Variants in SLC2A13 observed in about 807,000 individuals in gnomAD.
SLC2A13 encodes the protein proton myo-inositol cotransporter.
SLC2A13 carries 32 observed loss-of-function variants against 64.4 expected under a neutral mutation model. The observed-to-expected ratio is 0.50, with a 90% confidence interval of 0.37 to 0.67. The LOEUF is 0.67. Among genes scored for constraint, SLC2A13 ranks in the 30% least tolerant of loss-of-function variants. SLC2A13 has a pLI of 0.00. For missense variants in SLC2A13, 743 were observed against 829.2 expected, an observed-to-expected ratio of 0.90 and a Z score of 1.28; for synonymous variants, 338 against 327.1, an observed-to-expected ratio of 1.03 and a Z score of -0.36.
intron 1 of SLC2A13, among the ~76,000 whole-genome samples, chr12:40,081,047 G>T (rs1261824670): frequency 6.6e-6 from 1 of 152,132 alleles, no homozygotes; most frequent in Non-Finnish European, 1.5e-5. Flanking sequence ...CTTCTGGCTT[G>T]TAAGATTTCT....
chr12:39,787,774 G>A (rs1310394696), intron 7 of SLC2A13, among the ~76,000 whole-genome samples: 2 of 152,146 alleles, frequency 1.3e-5, no homozygotes, highest in Non-Finnish European at 2.9e-5. Context: ...TAGGTGAATG[G>A]AAACAGCTGG....
At chr12:39,785,706 C>G (rs4397917) in intron 7 of SLC2A13, among the ~76,000 whole-genome samples, 149,198 of 152,268 alleles carry the variant, frequency 0.98, 73,105 homozygotes, top group East Asian at 1. Flanking sequence ...GAGGGAGGCT[C>G]TACCATGCAA....
chr12:39,951,204 T>A, intron 4 of SLC2A13, 53 bp downstream of exon 4: 1 of 1,490,142 alleles, frequency 6.7e-7, no homozygotes. Flanking sequence ...CTATTTCACA[T>A]AAAATAATCC....
chr12:39,938,196 T>C (rs1945949652), intron 4 of SLC2A13, among the ~76,000 whole-genome samples: 1 of 152,142 alleles, frequency 6.6e-6, no homozygotes, highest in South Asian at 2.1e-4. Flanking sequence ...TCATACATGC[T>C]TTCTCATGTA....
At chr12:40,099,478 A>C (rs1939074771) in intron 1 of SLC2A13, among the ~76,000 whole-genome samples, 1 of 152,222 alleles carries the variant, frequency 6.6e-6, no homozygotes, top group South Asian at 2.1e-4. Flanking sequence ...GGTGTTCAAA[A>C]AGATGTTAGT....
chr12:40,027,575 A>G, intron 3 of SLC2A13, among the ~76,000 whole-genome samples: 1 of 152,218 alleles, frequency 6.6e-6, no homozygotes, highest in East Asian at 1.9e-4. Context: ...TGTATCAGCA[A>G]AGGAGTGTGT....
At chr12:39,798,381 A>G (rs1941654077) in intron 7 of SLC2A13, among the ~76,000 whole-genome samples, 1 of 152,226 alleles carries the variant, frequency 6.6e-6, no homozygotes, top group East Asian at 1.9e-4. Context: ...CACTTGTGGC[A>G]TAGCAATAGA....
At chr12:40,090,876 T>G (rs1456890963) in intron 1 of SLC2A13, among the ~76,000 whole-genome samples, 1 of 152,198 alleles carries the variant, frequency 6.6e-6, no homozygotes, top group Non-Finnish European at 1.5e-5. Flanking sequence ...AAAAACTCAC[T>G]GCCTCAGAAT....
intron 3 of SLC2A13, among the ~76,000 whole-genome samples, chr12:39,971,215 T>C (rs1946641070): frequency 6.6e-6 from 1 of 152,232 alleles, no homozygotes; most frequent in African/African-American, 2.4e-5. Flanking sequence ...ATAAACAATG[T>C]AGAACAGCTG....
intron 6 of SLC2A13, among the ~76,000 whole-genome samples, chr12:39,855,565 G>A (rs1321783224): frequency 5.3e-5 from 8 of 152,184 alleles, no homozygotes; most frequent in Admixed American, 5.2e-4. Flanking sequence ...TCCATGAGGA[G>A]GAAGGCTGTT....
At chr12:39,949,599 C>T (rs911747413) in intron 4 of SLC2A13, 3 of 152,080 alleles carry the variant, frequency 2.0e-5, no homozygotes, top group African/African-American at 7.2e-5. Context: ...ATACACTGGC[C>T]CCAGTCACTA....
At chr12:39,890,276 GT>G (rs1944571430) in intron 4 of SLC2A13, among the ~76,000 whole-genome samples, 1 of 152,102 alleles carries the variant, frequency 6.6e-6, no homozygotes, top group Non-Finnish European at 1.5e-5. Flanking sequence ...GTAAAAGGAA[GT>G]TCATTAGAGC....
chr12:39,830,017 T>C, intron 7 of SLC2A13, 86 bp downstream of exon 7: 2 of 1,544,578 alleles, frequency 1.3e-6, no homozygotes, highest in Non-Finnish European at 1.8e-6. Flanking sequence ...AAAGAACTGC[T>C]ATAAGTGCAA....
intron 7 of SLC2A13, among the ~76,000 whole-genome samples, chr12:39,806,402 G>A (rs4393383): frequency 0.81 from 122,865 of 152,130 alleles, 49,833 homozygotes; most frequent in Non-Finnish European, 0.85. Flanking sequence ...GAAGAAAATG[G>A]CATTCTGTCC....
At chr12:39,968,293 A>T (rs1483745252) in intron 3 of SLC2A13, among the ~76,000 whole-genome samples, 1 of 152,046 alleles carries the variant, frequency 6.6e-6, no homozygotes, top group Non-Finnish European at 1.5e-5. Context: ...AAACCATCAG[A>T]TCTCATGAAA....
At chr12:39,775,157 C>T (rs1382259025) in intron 7 of SLC2A13, among the ~76,000 whole-genome samples, 2 of 152,064 alleles carry the variant, frequency 1.3e-5, no homozygotes, top group Non-Finnish European at 1.5e-5. Flanking sequence ...AATTAGAAAC[C>T]ATAAAAGTCT....
chr12:39,895,709 C>CACACATATGTATATGCGTGTATACGT (rs1944766897), intron 4 of SLC2A13, among the ~76,000 whole-genome samples: 1 of 141,264 alleles, frequency 7.1e-6, no homozygotes, highest in African/African-American at 2.6e-5. Flanking sequence ...TGTATACGTA[C>CACACATATGTATATGCGTGTATACGT]ACACATATGT....
intron 4 of SLC2A13, among the ~76,000 whole-genome samples, chr12:39,902,424 T>G (rs923248343): frequency 6.6e-6 from 1 of 152,222 alleles, no homozygotes; most frequent in South Asian, 2.1e-4. Context: ...ACTTGAAATG[T>G]GTCTTCTCTC....
intron 4 of SLC2A13, among the ~76,000 whole-genome samples, chr12:39,896,476 A>ATG (rs201500283): frequency 1.4e-5 from 2 of 143,602 alleles, no homozygotes; most frequent in African/African-American, 2.5e-5. Context: ...ACATATATGT[A>ATG]TATGTGTATA....
Sources: gnomAD v4.1 joint callset for allele counts (sites outside exome capture counted in the v4.1 genomes callset) on GRCh38, gnomAD v4.1.1 for gene constraint, MANE v1.5 for transcripts, NCBI Gene and HGNC (gene_info 2026-07-23, HGNC 2026-07-21) for gene names.